The following KIF9 variants were observed in gnomAD, a reference collection of about 807,000 sequenced individuals.
The protein encoded by KIF9 is kinesin family member 9.
A neutral mutation model predicts 94.8 loss-of-function variants in KIF9; 68 were observed. The observed-to-expected ratio is 0.72, with a 90% CI of 0.59 to 0.88. KIF9 has a LOEUF of 0.88. Among genes scored for constraint, KIF9 ranks in the 40% least tolerant of loss-of-function variants. The probability of loss-of-function intolerance (pLI) is 0.00; values close to 1 mark genes in which losing one functional copy is unlikely to be tolerated. For missense variants in KIF9, 882 were observed against 982.5 expected (o/e 0.90, Z 1.37); for synonymous variants, 343 against 362.1 (o/e 0.95, Z 0.60).
intron 12 of KIF9, among the ~76,000 whole-genome samples, chr3:47,247,026 C>T (rs1699968999): frequency 6.6e-6 from 1 of 152,200 alleles, no homozygotes; most frequent in African/African-American, 2.4e-5. Context: ...ATTCTGCGGA[C>T]ACAGTCAAGC....
rs1436685685 is a variant in KIF9, at chr3:47,248,051, T to C, written c.1095A>G (p.Leu365=). ...MVKNLEKELA[L]LKQELAIHDS... is the part of the protein sequence containing the mutation. ...CATGGATAGCCAGCTCCTGCTTGAG[T>C]AGTGCTAGTTCCTTCTCCAGGTTCT... Residue 365 remains leucine, a synonymous_variant, in exon 11 of 21, where the codon CTA becomes CTG. Transcript: ENST00000684063. The C allele has an allele frequency of 1.2e-6, 2 of 1,613,600 alleles. No homozygotes were observed. The highest frequency in any genetic ancestry group is 1.7e-6 in the Non-Finnish European group (2 of 1,179,854).
chr3:47,259,042 G>A (rs1195416522), intron 9 of KIF9, among the ~76,000 whole-genome samples: 3 of 152,192 alleles, frequency 2.0e-5, no homozygotes, highest in Admixed American at 6.5e-5. Flanking sequence ...ACACCCCTGA[G>A]CCATTCCTGG....
intron 1 of KIF9, among the ~76,000 whole-genome samples, chr3:47,278,594 C>T (rs548038363): frequency 1.3e-4 from 20 of 152,114 alleles, no homozygotes; most frequent in African/African-American, 3.6e-4. Context: ...TTTGGGAGGC[C>T]GAGGTGGGCA....
chr3:47,265,731 T>G lies in KIF9; in HGVS notation c.915A>C (p.Leu305Phe), dbSNP rs1182769981. ...TGGGCAGCAACTGTACCCCCTCACC[T>G]AACGAGTCCTTCAGAGCGTGGGTGA... Reference protein sequence around the residue: ...CKLTHALKDSLGGNCNMVLVT... With the variant: ...CKLTHALKDSFGGNCNMVLVT... The change falls in exon 8 of 21, where the codon TTA becomes TTC. Residue 305 changes from leucine to phenylalanine, a missense_variant and splice_region_variant. Physicochemically the swap from Leu to Phe is conservative, Grantham distance 22. Transcript: ENST00000684063. The G allele has an allele frequency of 6.2e-7, 1 of 1,614,022 alleles. No homozygotes were observed. The highest frequency in any genetic ancestry group is 8.5e-7 in the Non-Finnish European group (1 of 1,179,916).
intron 16 of KIF9, among the ~76,000 whole-genome samples, chr3:47,242,100 C>T (rs1248469873): frequency 6.6e-6 from 1 of 151,632 alleles, no homozygotes; most frequent in African/African-American, 2.4e-5. Flanking sequence ...CCAGGCTCTC[C>T]AACTCCTGGG....
At chr3:47,272,504 G>C (rs574249617) in intron 4 of KIF9, among the ~76,000 whole-genome samples, 3 of 152,180 alleles carry the variant, frequency 2.0e-5, no homozygotes, top group African/African-American at 7.2e-5. Flanking sequence ...TACAGATCAA[G>C]CATTTCTGAT....
rs758973390 is a variant in KIF9 at position 47,228,654 on chromosome 3, A to C, written c.2371T>G (p.Ter791GluextTer18). ...TTTAAGGTACTGGCGATGAGGTTCT[A>C]TTTTCTATGTGCCTGCTGGAGGCCC... is the stretch of plus-strand genomic sequence containing the variant. ...MMGLQQAHRK* is the reference protein window; with the variant it reads ...MMGLQQAHRKE The change falls in exon 21 of 21, where the codon TAG (stop) becomes GAG (glutamate). Residue 791 changes from the stop codon to glutamate, a stop_lost. Transcript: ENST00000684063. 6.8e-6 allele frequency: 11 copies of C among 1,613,578 alleles called. No individual in the cohort carries two copies. Among genetic ancestry groups the C allele is most frequent in the Non-Finnish European group, 9.3e-6 (11 of 1,179,626 alleles).
chr3:47,228,379 G>A lies in KIF9; in HGVS notation c.*273C>T, dbSNP rs1698312983. On this transcript the variant is annotated 3_prime_UTR_variant, in exon 21 of 21. Transcript: ENST00000684063. ...CCTTTCAGACAGGAAATAAGACAAAGTTCTCAGATGAGCACTGAAAGTCCA... is the reference window on the plus strand; with the variant it reads ...CCTTTCAGACAGGAAATAAGACAAAATTCTCAGATGAGCACTGAAAGTCCA... The A allele has an allele frequency of 2.3e-6, 1 of 430,770 alleles. No homozygotes were observed. The highest frequency in any genetic ancestry group is 4.2e-6 in the Non-Finnish European group (1 of 235,790). 26.7% of individuals were successfully genotyped at this position (430,770 alleles called of 1,614,324 possible).
Position 47,265,727 on chromosome 3 carries a change from C to T in KIF9, c.916+3G>A, listed in dbSNP as rs1239163961. 1.2e-6 allele frequency: 2 copies of T among 1,613,854 alleles called. No individual in the cohort carries two copies. The highest frequency in any genetic ancestry group is 2.2e-5 in the East Asian group (1 of 44,900). On this transcript the variant is annotated splice_donor_region_variant and intron_variant, in intron 8 of 20. Transcript: ENST00000684063. ...TCCCTGGGCAGCAACTGTACCCCCTCACCTAACGAGTCCTTCAGAGCGTGG... is the reference window on the plus strand; with the variant it reads ...TCCCTGGGCAGCAACTGTACCCCCTTACCTAACGAGTCCTTCAGAGCGTGG...
intron 10 of KIF9, among the ~76,000 whole-genome samples, chr3:47,248,741 C>A (rs552925456): frequency 1.3e-5 from 2 of 152,174 alleles, no homozygotes; most frequent in Non-Finnish European, 2.9e-5. Context: ...CCATACCCAG[C>A]ACCAGAATGC....
chr3:47,256,063 T>C (rs1239794576), intron 10 of KIF9, among the ~76,000 whole-genome samples: 1 of 152,236 alleles, frequency 6.6e-6, no homozygotes, highest in Non-Finnish European at 1.5e-5. Context: ...CACTCAGTGC[T>C]CAATGGTGCC....
Position 47,264,345 on chromosome 3 carries a change from T to C in KIF9, c.922A>G (p.Asn308Asp). ...TTTGTCACGAGGACCATATTGCAGTTTCCCCCTGCGGAAAGCAAGACACAG... is the reference window on the plus strand; with the variant it reads ...TTTGTCACGAGGACCATATTGCAGTCTCCCCCTGCGGAAAGCAAGACACAG... ...THALKDSLGG[N>D]CNMVLVTNIY... The change falls in exon 9 of 21, where the codon AAC (asparagine) becomes GAC (aspartate). Residue 308 changes from asparagine to aspartate, a missense_variant. Asn to Asp is a conservative substitution (Grantham distance 23, BLOSUM62 1). Transcript: ENST00000684063. 1 of 1,613,440 alleles carries C rather than the reference T, an allele frequency of 6.2e-7. No homozygotes were observed. Among genetic ancestry groups the C allele is most frequent in the South Asian group, 1.1e-5 (1 of 91,080 alleles).
intron 1 of KIF9, chr3:47,280,851 C>A: frequency 1.4e-6 from 1 of 698,356 alleles, no homozygotes; most frequent in Non-Finnish European, 2.6e-6. Context: ...CCATATCCAC[C>A]TGCAATAAAG....
intron 20 of KIF9, among the ~76,000 whole-genome samples, chr3:47,230,504 G>A (rs550399546): frequency 1.9e-4 from 29 of 152,178 alleles, no homozygotes; most frequent in South Asian, 1.2e-3. Context: ...AGGTCGAGGC[G>A]GGTGGATCAC....
At chr3:47,248,130 T>C (rs1415151142) in intron 10 of KIF9, 44 bp from the exon 11 acceptor site, 2 of 1,408,672 alleles carry the variant, frequency 1.4e-6, no homozygotes, top group African/African-American at 2.8e-5. Flanking sequence ...GGAAGGATCA[T>C]CAGAGAAGCT....
In KIF9 at chr3:47,257,606, G is replaced by A. The variant is rs1190919736; in HGVS notation, c.982-46C>T. On this transcript the variant is annotated intron_variant, in intron 9 of 20. Coordinates refer to ENST00000684063, the MANE Select transcript of KIF9 (RefSeq NM_182902.4). ...ACATTAGATGGCTCGCCACTAAAGT[G>A]AGACCCCAAGAGACCGGCCTTCTCA... 20 of 1,506,944 alleles carry A rather than the reference G, an allele frequency of 1.3e-5. No homozygotes were observed. The East Asian group carries it at 4.5e-4, about 34-fold the overall frequency. 93.3% of individuals were successfully genotyped at this position (1,506,944 alleles called of 1,614,324 possible). A position where few individuals can be genotyped will look rare whatever the true frequency, so the allele number is the denominator to read the frequency against.
intron 8 of KIF9, among the ~76,000 whole-genome samples, chr3:47,264,653 G>A (rs965804607): frequency 1.1e-4 from 16 of 152,120 alleles, no homozygotes; most frequent in Non-Finnish European, 1.3e-4. Context: ...GCCCAGGCTG[G>A]TCTTGAACTC....
chr3:47,276,555 CAAAA>C (rs752825599), intron 2 of KIF9, among the ~76,000 whole-genome samples: 4 of 58,692 alleles, frequency 6.8e-5, no homozygotes, highest in Non-Finnish European at 1.0e-4. Flanking sequence ...GACTCTGTCT[CAAAA>C]AAAAAAAAAA....
At chr3:47,236,278 C>A in intron 18 of KIF9, 129 bp from the exon 19 acceptor site, 1 of 982,738 alleles carries the variant, frequency 1.0e-6, no homozygotes. Flanking sequence ...GTCCCCATCT[C>A]CATCTCTGGC....
Sources: allele counts gnomAD v4.1 joint callset (sites outside exome capture counted in the v4.1 genomes callset), GRCh38; gene constraint gnomAD v4.1.1; transcripts MANE v1.5; gene names NCBI Gene and HGNC (gene_info 2026-07-23, HGNC 2026-07-21).